CHAF1A: variants seen among roughly 807,000 people sequenced by gnomAD.
CHAF1A encodes chromatin assembly factor 1 subunit A.
In CHAF1A, 5 loss-of-function variants were observed where a neutral mutation model predicts 93.2. That is an observed-to-expected ratio of 0.05 (90% CI 0.03 to 0.11). The LOEUF (loss-of-function observed/expected upper bound fraction) is 0.11. Among genes scored for constraint, CHAF1A ranks in the 10% least tolerant of loss-of-function variants. The probability of loss-of-function intolerance (pLI) is 1.00; values close to 1 mark genes in which losing one functional copy is unlikely to be tolerated. For missense variants in CHAF1A, 1,102 were observed against 1,259.9 expected (o/e 0.87, Z 1.90); for synonymous variants, 504 against 510.3 (o/e 0.99, Z 0.17).
chr19:4,409,658 C>G lies in CHAF1A; in HGVS notation c.859C>G (p.Leu287Val). The G allele has an allele frequency of 1.2e-6, 2 of 1,614,196 alleles. No homozygotes were observed. Among genetic ancestry groups the G allele is most frequent in the Middle Eastern group, 3.3e-4 (2 of 6,062 alleles). Residue 287 changes from leucine to valine, a missense_variant, in exon 3 of 15, where the codon CTG (leucine) becomes GTG (valine). By Grantham distance (32) the Leu-to-Val change is conservative. Coordinates refer to ENST00000301280, the MANE Select transcript of CHAF1A (RefSeq NM_005483.3). ...AGACTCTGTACTCAGCCATTCGTCCCTGAGCTCTCCCTCTTCCACCAGCTC... is the reference window on the plus strand; with the variant it reads ...AGACTCTGTACTCAGCCATTCGTCCGTGAGCTCTCCCTCTTCCACCAGCTC... ...EEDSVLSHSS[L>V]SSPSSTSSPE...
At chr19:4,442,184 G>T in intron 13 of CHAF1A, 61 bp from the exon 14 acceptor site, 1 of 1,402,542 alleles carries the variant, frequency 7.1e-7, no homozygotes, top group Non-Finnish European at 1.0e-6. Flanking sequence ...CCCCGCTACC[G>T]CACTGGCACC....
intron 8 of CHAF1A, 113 bp from the exon 9 acceptor site, chr19:4,429,325 C>G: frequency 8.0e-7 from 1 of 1,249,446 alleles, no homozygotes; most frequent in South Asian, 1.5e-5. Flanking sequence ...TGCTTTTTAA[C>G]AAATGCCCAT....
At chr19:4,442,797 C>T (rs1599667904) in intron 14 of CHAF1A, 128 bp from the exon 15 acceptor site, 2 of 649,852 alleles carry the variant, frequency 3.1e-6, no homozygotes, top group Non-Finnish European at 5.2e-6. Flanking sequence ...CTCTGCCTGT[C>T]CCCACTGTCA....
chr19:4,409,088 C>T lies in CHAF1A; in HGVS notation c.289C>T (p.Pro97Ser). The T allele has an allele frequency of 1.2e-6, 2 of 1,614,164 alleles. No homozygotes were observed. Among genetic ancestry groups the T allele is most frequent in the African/African-American group, 1.3e-5 (1 of 75,032 alleles). The change falls in exon 3 of 15, where the codon CCC becomes TCC. Residue 97 changes from proline to serine, a missense_variant. By Grantham distance (74) the Pro-to-Ser change is moderately conservative. This residue lies in a region of CHAF1A where 379 missense variants were observed against 365.7 expected (regional missense o/e 1.04). Transcript: ENST00000301280. ...FRPKLVNGKG[P>S]LDNFLRNRIE... ...ACCGAAACTTGTCAACGGGAAGGGT[C>T]CCTTAGATAACTTTTTAAGAAATAG...
chr19:4,438,761 C>G (rs571613047), intron 13 of CHAF1A, among the ~76,000 whole-genome samples: 2 of 151,882 alleles, frequency 1.3e-5, no homozygotes, highest in East Asian at 3.9e-4. Context: ...AGGTGGGTGG[C>G]TCACAAGGTC....
At chr19:4,442,459 T>C (rs1292228381) in intron 14 of CHAF1A, 118 bp downstream of exon 14, 4 of 871,558 alleles carry the variant, frequency 4.6e-6, no homozygotes, top group Non-Finnish European at 3.6e-6. Flanking sequence ...CAGGAGGGCT[T>C]GCAGCTGGAA....
At chr19:4,445,455 C>T, downstream of CHAF1A, 5 of 1,612,008 alleles carry the variant, frequency 3.1e-6, no homozygotes, top group Non-Finnish European at 4.2e-6. Context: ...ACAGGGAGAG[C>T]ATGAGACAGA....
rs1973607247 is a variant in CHAF1A, at chr19:4,402,816, T to G, written c.52+2T>G. The G allele has an allele frequency of 8.3e-7, 1 of 1,202,192 alleles. No individual in the cohort carries two copies. The highest frequency in any genetic ancestry group is 1.0e-6 in the Non-Finnish European group (1 of 969,088). 74.5% of individuals were successfully genotyped at this position (1,202,192 alleles called of 1,614,324 possible). On this transcript the variant is annotated splice_donor_variant, in intron 1 of 14. Transcript: ENST00000301280. LOFTEE classifies it high-confidence loss of function. ...CCGGCGCCAGGGGAGCCGCCACAGG[T>G]CGGTTCGGGCCCGCGCCGAGGGGAA...
intron 13 of CHAF1A, among the ~76,000 whole-genome samples, chr19:4,434,542 T>C (rs1599660594): frequency 6.6e-6 from 1 of 152,124 alleles, no homozygotes; most frequent in African/African-American, 2.4e-5. Flanking sequence ...CACCAACCTC[T>C]CTATCTCCGT....
At chr19:4,432,229 C>A in intron 12 of CHAF1A, 22 bp downstream of exon 12, 3 of 1,577,688 alleles carry the variant, frequency 1.9e-6, no homozygotes, top group Non-Finnish European at 2.6e-6. Context: ...CGGGGCCAGG[C>A]CACCCACCTG....
chr19:4,425,876 G>A (rs1974072326), intron 7 of CHAF1A, among the ~76,000 whole-genome samples: 1 of 152,198 alleles, frequency 6.6e-6, no homozygotes, highest in Non-Finnish European at 1.5e-5. Flanking sequence ...TGCTATCACT[G>A]CAATTTTTAT....
chr19:4,425,935 T>A (rs1173205280), intron 7 of CHAF1A, among the ~76,000 whole-genome samples: 2 of 152,214 alleles, frequency 1.3e-5, no homozygotes, highest in African/African-American at 4.8e-5. Context: ...TTTTAAAAAT[T>A]GACATTGTTT....
downstream of CHAF1A, chr19:4,447,659 C>T (rs747762509): frequency 9.3e-6 from 15 of 1,609,266 alleles, no homozygotes; most frequent in Admixed American, 6.7e-5. Flanking sequence ...TGGGGCACAG[C>T]CCAGGCTGCC....
chr19:4,428,482 A>G (rs572273564), intron 7 of CHAF1A, among the ~76,000 whole-genome samples, 182 bp from the exon 8 acceptor site: 4 of 152,150 alleles, frequency 2.6e-5, no homozygotes, highest in African/African-American at 7.2e-5. Flanking sequence ...GAGACTGCCA[A>G]TCTGCCCTCT....
At chr19:4,412,371 C>T (rs965253575) in intron 3 of CHAF1A, among the ~76,000 whole-genome samples, 7 of 152,160 alleles carry the variant, frequency 4.6e-5, no homozygotes, top group Non-Finnish European at 1.0e-4. Context: ...GGAGAAACCC[C>T]GTCTCTACTA....
intron 2 of CHAF1A, among the ~76,000 whole-genome samples, chr19:4,408,337 C>T (rs1360381835): frequency 5.9e-5 from 9 of 151,658 alleles, no homozygotes; most frequent in Non-Finnish European, 1.3e-4. Context: ...GGAATGCAGG[C>T]GCCCGCCACC....
chr19:4,402,734 T>G lies in CHAF1A; in HGVS notation c.-29T>G. The G allele has an allele frequency of 8.4e-7, 1 of 1,196,284 alleles. No individual in the cohort carries two copies. Among genetic ancestry groups the G allele is most frequent in the Non-Finnish European group, 1.0e-6 (1 of 964,282 alleles). The allele number at this position is 1,196,284 out of a possible 1,614,324, so 74.1% of individuals were successfully genotyped here. On this transcript the variant is annotated 5_prime_UTR_variant, in exon 1 of 15. Transcript: ENST00000301280. ...GAGGGGAGCCCGCGCCTCCGCCGCC[T>G]GAGAGGAGGTCGAGCTGCCGCCGGG...
intron 7 of CHAF1A, among the ~76,000 whole-genome samples, chr19:4,428,291 C>CTTTT (rs71166995): frequency 7.2e-6 from 1 of 138,136 alleles, no homozygotes; most frequent in Admixed American, 7.2e-5. Flanking sequence ...TGCCCCCGGC[C>CTTTT]TTTTTTTTTT....
chr19:4,414,442 C>T (rs1052103126), intron 3 of CHAF1A, among the ~76,000 whole-genome samples: 2 of 151,840 alleles, frequency 1.3e-5, no homozygotes, highest in Non-Finnish European at 2.9e-5. Flanking sequence ...AACCTTGAAG[C>T]CCTCTGTTCT....
Sources: gnomAD v4.1 joint callset for allele counts (sites outside exome capture counted in the v4.1 genomes callset) on GRCh38, gnomAD v4.1.1 for gene constraint, gnomAD v4.1.1 regional missense constraint, MANE v1.5 for transcripts, NCBI Gene and HGNC (gene_info 2026-07-23, HGNC 2026-07-21) for gene names.